Variants in EYS observed in about 807,000 individuals in gnomAD.
EYS encodes EGF-like photoreceptor maintenance factor.
Under a neutral mutation model 282.1 loss-of-function variants are expected in EYS, and 250 were observed. That is an observed-to-expected ratio of 0.89 (90% CI 0.80 to 0.98). The LOEUF is 0.98. Ranked by LOEUF, EYS falls within the 50% of genes least tolerant of loss-of-function variation. EYS has a pLI of 0.00. For synonymous variants in EYS, 1,355 were observed against 1,282.9 expected (o/e 1.06, Z -1.20); for missense variants, 4,016 against 3,709.0 (o/e 1.08, Z -2.15).
At chr6:64,761,810 T>C (rs1279774210) in intron 22 of EYS, among the ~76,000 whole-genome samples, 5 of 152,152 alleles carry the variant, frequency 3.3e-5, no homozygotes, top group Admixed American at 3.3e-4. Context: ...TAAGCACAGA[T>C]AGGACATAAT....
At chr6:64,835,951 C>G (rs1249771813) in intron 19 of EYS, among the ~76,000 whole-genome samples, 1 of 151,560 alleles carries the variant, frequency 6.6e-6, no homozygotes, top group Non-Finnish European at 1.5e-5. Context: ...AAAGACATCT[C>G]TACTTCTTTT....
chr6:65,624,440 G>C (rs1200975124), intron 2 of EYS, among the ~76,000 whole-genome samples: 2 of 152,204 alleles, frequency 1.3e-5, no homozygotes, highest in African/African-American at 2.4e-5. Context: ...TAAAGGAGGA[G>C]AGCCTTTTTT....
At chr6:65,613,464 A>G (rs566348421) in intron 2 of EYS, among the ~76,000 whole-genome samples, 2 of 151,988 alleles carry the variant, frequency 1.3e-5, no homozygotes, top group African/African-American at 4.8e-5. Flanking sequence ...TATAATTTTC[A>G]GTCTGGTACA....
At chr6:65,693,559 A>C (rs918337147) in intron 1 of EYS, among the ~76,000 whole-genome samples, 1 of 149,474 alleles carries the variant, frequency 6.7e-6, no homozygotes, top group Non-Finnish European at 1.5e-5. Context: ...TACAAAAAAA[A>C]CCTATTTTAC....
chr6:64,778,019 C>T (rs1773732047), intron 22 of EYS, among the ~76,000 whole-genome samples: 2 of 152,040 alleles, frequency 1.3e-5, no homozygotes, highest in Admixed American at 6.6e-5. Flanking sequence ...ATCTAGTTGA[C>T]TTAATCTATT....
intron 30 of EYS, among the ~76,000 whole-genome samples, chr6:64,247,919 G>A (rs753675140): frequency 6.6e-6 from 1 of 152,108 alleles, no homozygotes; most frequent in African/African-American, 2.4e-5. Context: ...CTTGGTAGGA[G>A]ACAAAAGAGG....
At chr6:64,104,908 A>C (rs1772956173) in intron 31 of EYS, among the ~76,000 whole-genome samples, 1 of 152,094 alleles carries the variant, frequency 6.6e-6, no homozygotes, top group South Asian at 2.1e-4. Flanking sequence ...TAAACTGTAC[A>C]AATCGGCTAC....
intron 26 of EYS, among the ~76,000 whole-genome samples, chr6:64,448,068 T>C (rs12173789): frequency 0.28 from 42,055 of 152,174 alleles, 5,955 homozygotes; most frequent in East Asian, 0.46. Context: ...CATTACCTCA[T>C]CTGGGAAGCG....
At chr6:65,476,852 G>T (rs1200399670) in intron 5 of EYS, among the ~76,000 whole-genome samples, 1 of 152,174 alleles carries the variant, frequency 6.6e-6, no homozygotes, top group Non-Finnish European at 1.5e-5. Flanking sequence ...TGGGATTACA[G>T]GCATGAGCCA....
chr6:63,985,257 G>T (rs1447305320), intron 34 of EYS, among the ~76,000 whole-genome samples: 2 of 151,650 alleles, frequency 1.3e-5, no homozygotes, highest in Non-Finnish European at 3.0e-5. Flanking sequence ...GGAGATCAGG[G>T]TGATGCATCT....
At chr6:65,398,886 G>C (rs180738351) in intron 7 of EYS, among the ~76,000 whole-genome samples, 9 of 152,190 alleles carry the variant, frequency 5.9e-5, no homozygotes, top group African/African-American at 2.2e-4. Context: ...TTAGAAAACT[G>C]TTAAGGTTTA....
rs548233721 is a variant in EYS, at chr6:65,536,161, G to T, written c.-332-40168C>A. ...AAATAGATAAATTTGAGAATCATAC[G>T]ACTATAGAAGACAAGCAAAGCATGG... On this transcript the variant is annotated intron_variant, in intron 2 of 42. Transcript: ENST00000503581. Among the ~76,000 whole-genome samples the T allele has an allele frequency of 2.2e-4, 34 of 151,980 alleles. No individual in the cohort carries two copies. In the East Asian group the frequency reaches 6.2e-3, roughly 28 times the overall value.
At chr6:65,099,108 A>G (rs1774820424) in intron 12 of EYS, among the ~76,000 whole-genome samples, 1 of 150,678 alleles carries the variant, frequency 6.6e-6, no homozygotes, top group Non-Finnish European at 1.5e-5. Context: ...ATACATAAAC[A>G]CACACACACC....
At chr6:63,947,933 T>C (rs1765447553) in intron 35 of EYS, among the ~76,000 whole-genome samples, 1 of 152,210 alleles carries the variant, frequency 6.6e-6, no homozygotes, top group Admixed American at 6.5e-5. Context: ...TTTTTAGTAA[T>C]AAGTCTTAGG....
chr6:64,634,618 G>C (rs1157533927), intron 22 of EYS, among the ~76,000 whole-genome samples: 1 of 151,374 alleles, frequency 6.6e-6, no homozygotes, highest in East Asian at 1.9e-4. Flanking sequence ...CAATATACTT[G>C]GGAACTGTCC....
At chr6:63,991,850 T>C (rs1218858915) in intron 34 of EYS, among the ~76,000 whole-genome samples, 1 of 151,700 alleles carries the variant, frequency 6.6e-6, no homozygotes, top group African/African-American at 2.4e-5. Flanking sequence ...AAAAGGCAAC[T>C]TGTCATGTAA....
chr6:65,075,658 A>G (rs990446048), intron 12 of EYS, among the ~76,000 whole-genome samples: 2 of 151,684 alleles, frequency 1.3e-5, no homozygotes, highest in African/African-American at 2.4e-5. Flanking sequence ...GATTCCACCT[A>G]CACAGAATAC....
chr6:64,983,325 AAGAT>A (rs1435972831), intron 14 of EYS, among the ~76,000 whole-genome samples: 1 of 151,366 alleles, frequency 6.6e-6, no homozygotes, highest in East Asian at 2.0e-4. Context: ...AGACATAAAA[AAGAT>A]AGATAACTGC....
intron 31 of EYS, among the ~76,000 whole-genome samples, chr6:64,113,328 T>G (rs867923137): frequency 1.3e-5 from 2 of 152,168 alleles, no homozygotes; most frequent in South Asian, 4.1e-4. Flanking sequence ...GGCGTTTGAA[T>G]CTCAGATCTG....
Sources: gnomAD v4.1 joint callset for allele counts (sites outside exome capture counted in the v4.1 genomes callset) on GRCh38, gnomAD v4.1.1 for gene constraint, MANE v1.5 for transcripts, NCBI Gene and HGNC (gene_info 2026-07-23, HGNC 2026-07-21) for gene names.